Variants in IP6K2 observed in about 807,000 individuals in gnomAD.
The protein encoded by IP6K2 is ATP:1D-myo-inositol-hexakisphosphate phosphotransferase.
Under a neutral mutation model 43.3 loss-of-function variants are expected in IP6K2, and 9 were observed. The observed-to-expected ratio is 0.21, with a 90% confidence interval of 0.13 to 0.36. IP6K2 has a LOEUF of 0.36. Among genes scored for constraint, IP6K2 ranks in the 10% least tolerant of loss-of-function variants. The pLI is 1.00. For synonymous variants in IP6K2, 209 were observed against 202.4 expected, an observed-to-expected ratio of 1.03 and a Z score of -0.28; for missense variants, 332 against 538.4, an observed-to-expected ratio of 0.62 and a Z score of 3.79.
At position 48,715,863 on chromosome 3, in the gene IP6K2, T is replaced by C. The variant is rs1461526516; in HGVS notation, c.-131+1294A>G. On this transcript the variant is annotated intron_variant, in intron 1 of 5. Transcript: ENST00000328631. The stretch of plus-strand genomic sequence containing the variant: ...GCAGGTAAATCTATCGAAATGACAA[T>C]GTCAGACAAGACCACAGAAAATAGA... Among the ~76,000 whole-genome samples the C allele has an allele frequency of 7.9e-5, 12 of 151,092 alleles. No individual in the cohort carries two copies. The South Asian group carries it at 2.3e-3, about 29-fold the overall frequency.
In IP6K2 at chr3:48,695,384, G is replaced by A; in HGVS notation, c.-93C>T. 3 of 1,467,240 alleles carry A rather than the reference G, an allele frequency of 2.0e-6. No homozygotes were observed. The highest frequency in any genetic ancestry group is 2.7e-6 in the Non-Finnish European group (3 of 1,108,308). The allele number at this position is 1,467,240 out of a possible 1,614,324, so 90.9% of individuals were successfully genotyped here. Reference sequence around the variant, plus strand: ...TGTTGTTTGTCCGTGTGTCCCTCTCGTCTTGGCTCCTTGGCTTGTTCTGGC... The same window carrying A: ...TGTTGTTTGTCCGTGTGTCCCTCTCATCTTGGCTCCTTGGCTTGTTCTGGC... On this transcript the variant is annotated 5_prime_UTR_variant, in exon 2 of 6. In the 5' UTR this introduces an upstream ATG that the reference lacks. Coordinates refer to ENST00000328631, the MANE Select transcript of IP6K2 (RefSeq NM_016291.4). This position sits in a 1 kb window ranked among gnomAD's most constrained non-coding sequence, Gnocchi z 4.6.
chr3:48,694,142 G>T (rs369362908), intron 2 of IP6K2: 41 of 1,537,126 alleles, frequency 2.7e-5, no homozygotes, highest in Middle Eastern at 2.0e-4. Context: ...GAGCCGGGGT[G>T]GGGTATTCAG....
At chr3:48,694,410 G>A (rs2078080656) in intron 2 of IP6K2, 1 of 1,546,798 alleles carries the variant, frequency 6.5e-7, no homozygotes, top group African/African-American at 1.4e-5. Context: ...AGTCCTTTAT[G>A]TAACCAGGTA....
At chr3:48,715,933 A>G (rs1470375339) in intron 1 of IP6K2, among the ~76,000 whole-genome samples, 3 of 152,072 alleles carry the variant, frequency 2.0e-5, no homozygotes, top group Non-Finnish European at 4.4e-5. Context: ...TTTTCTCAAA[A>G]AAAAAAAAAG....
chr3:48,693,368 C>A, intron 2 of IP6K2, 189 bp from the exon 3 acceptor site: 2 of 1,142,324 alleles, frequency 1.8e-6, no homozygotes, highest in South Asian at 2.5e-5. Context: ...ACAAGACAAG[C>A]AATTAGGGAG....
chr3:48,709,736 C>G (rs2080261148), intron 1 of IP6K2, among the ~76,000 whole-genome samples: 1 of 151,804 alleles, frequency 6.6e-6, no homozygotes, highest in African/African-American at 2.4e-5. Context: ...ACTGGGGAGG[C>G]TGAGGCAGGA....
chr3:48,695,356 G>C lies in IP6K2; in HGVS notation c.-65C>G, dbSNP rs1378289186. On this transcript the variant is annotated 5_prime_UTR_variant, in exon 2 of 6. Coordinates refer to ENST00000328631, the MANE Select transcript of IP6K2 (RefSeq NM_016291.4). This position sits in a 1 kb window ranked among gnomAD's most constrained non-coding sequence, Gnocchi z 4.6. ...GAGTCCAGCGGCCAGTACGTCTTCTGTCTGTTGTTTGTCCGTGTGTCCCTC... is the reference window on the plus strand; with the variant it reads ...GAGTCCAGCGGCCAGTACGTCTTCTCTCTGTTGTTTGTCCGTGTGTCCCTC... 1 of 1,531,646 alleles carries C rather than the reference G, an allele frequency of 6.5e-7. No homozygotes were observed. Among genetic ancestry groups the C allele is most frequent in the Admixed American group, 2.1e-5 (1 of 48,430 alleles). The allele number at this position is 1,531,646 out of a possible 1,614,324, so 94.9% of individuals were successfully genotyped here.
At chr3:48,709,246 C>A (rs1449805654) in intron 1 of IP6K2, among the ~76,000 whole-genome samples, 1 of 152,224 alleles carries the variant, frequency 6.6e-6, no homozygotes, top group Non-Finnish European at 1.5e-5. Context: ...GCCACAGAGG[C>A]AGGGCATCCC....
chr3:48,715,530 T>C (rs1241426586), intron 1 of IP6K2: 1 of 1,437,006 alleles, frequency 7.0e-7, no homozygotes, highest in Non-Finnish European at 9.4e-7. Context: ...CTAGGAAGCT[T>C]TGAAACACAA....
At chr3:48,693,474 A>T (rs376104926) in intron 2 of IP6K2, 1 of 1,333,760 alleles carries the variant, frequency 7.5e-7, no homozygotes. Flanking sequence ...AATGTTTATT[A>T]ATTTTTATGT....
chr3:48,695,370 C>G lies in IP6K2; in HGVS notation c.-79G>C. 2.0e-6 allele frequency: 3 copies of G among 1,493,602 alleles called. No homozygotes were observed. Among genetic ancestry groups the G allele is most frequent in the Non-Finnish European group, 2.7e-6 (3 of 1,121,028 alleles). The allele number at this position is 1,493,602 out of a possible 1,614,324, so 92.5% of individuals were successfully genotyped here. A position where few individuals can be genotyped will look rare whatever the true frequency, so the allele number is the denominator to read the frequency against. On this transcript the variant is annotated 5_prime_UTR_variant, in exon 2 of 6. Coordinates refer to ENST00000328631, the MANE Select transcript of IP6K2 (RefSeq NM_016291.4). The surrounding 1 kb of genome is among the most constrained non-coding windows in gnomAD (Gnocchi z 4.6). ...GTACGTCTTCTGTCTGTTGTTTGTCCGTGTGTCCCTCTCGTCTTGGCTCCT... is the reference window on the plus strand; with the variant it reads ...GTACGTCTTCTGTCTGTTGTTTGTCGGTGTGTCCCTCTCGTCTTGGCTCCT...
Position 48,693,078 on chromosome 3 carries a change from A to G in IP6K2, c.304T>C (p.Ser102Pro). The change falls in exon 3 of 6, where the codon TCA (serine) becomes CCA (proline). Residue 102 changes from serine (S) to proline (P), a missense_variant. Physicochemically the swap from Ser to Pro is moderately conservative, Grantham distance 74. Transcript: ENST00000328631. ...AGCTTACTTTTTGGTTCACAGTCTGAATTATCTACAATGTCCACAATTCCA... is the reference window on the plus strand; with the variant it reads ...AGCTTACTTTTTGGTTCACAGTCTGGATTATCTACAATGTCCACAATTCCA... Reference protein sequence around the residue: ...DHGIVDIVDNSDCEPKSKLLR... With the variant: ...DHGIVDIVDNPDCEPKSKLLR... The G allele has an allele frequency of 6.2e-7, 1 of 1,614,202 alleles. No individual in the cohort carries two copies. The highest frequency in any genetic ancestry group is 8.5e-7 in the Non-Finnish European group (1 of 1,179,992).
chr3:48,693,518 C>T, intron 2 of IP6K2: 2 of 1,237,930 alleles, frequency 1.6e-6, no homozygotes, highest in Non-Finnish European at 2.0e-6. Context: ...GAAAACATTG[C>T]TCTTTATAGT....
At chr3:48,707,828 C>G (rs2079992818) in intron 1 of IP6K2, among the ~76,000 whole-genome samples, 1 of 152,278 alleles carries the variant, frequency 6.6e-6, no homozygotes, top group Non-Finnish European at 1.5e-5. Flanking sequence ...CCCAAAACAG[C>G]AGATTGTTCC....
At chr3:48,705,168 C>G (rs1018965353) in intron 1 of IP6K2, among the ~76,000 whole-genome samples, 2 of 151,554 alleles carry the variant, frequency 1.3e-5, no homozygotes, top group Admixed American at 1.3e-4. Context: ...TGGTCTCAAT[C>G]TCTTGACCTC....
At chr3:48,709,780 T>C (rs1388688184) in intron 1 of IP6K2, among the ~76,000 whole-genome samples, 2 of 150,278 alleles carry the variant, frequency 1.3e-5, no homozygotes, top group East Asian at 3.9e-4. Context: ...GAGCTTGCAG[T>C]GAGCCGAGAT....
chr3:48,691,262 C>G (rs1007693805), intron 4 of IP6K2, 45 bp downstream of exon 4: 7 of 1,510,976 alleles, frequency 4.6e-6, no homozygotes, highest in Non-Finnish European at 6.3e-6. Flanking sequence ...CTCATTTCCT[C>G]TCCTCTTACC....
At chr3:48,697,636 T>C (rs1050850277) in intron 1 of IP6K2, among the ~76,000 whole-genome samples, 8 of 151,604 alleles carry the variant, frequency 5.3e-5, no homozygotes, top group African/African-American at 1.9e-4. Context: ...CTACTGCACT[T>C]GGCCAATTTT....
At chr3:48,705,179 G>A (rs974706647) in intron 1 of IP6K2, among the ~76,000 whole-genome samples, 8 of 150,564 alleles carry the variant, frequency 5.3e-5, no homozygotes, top group South Asian at 4.2e-4. Context: ...TCTTGACCTC[G>A]TGATCCGCTG....
Sources: allele counts gnomAD v4.1 joint callset (sites outside exome capture counted in the v4.1 genomes callset), GRCh38; gene constraint gnomAD v4.1.1; non-coding constraint Gnocchi (gnomAD v3.1); transcripts MANE v1.5; gene names NCBI Gene and HGNC (gene_info 2026-07-23, HGNC 2026-07-21).